The following LIFR variants were observed in gnomAD, a reference collection of about 807,000 sequenced individuals.
LIFR encodes the protein LIF receptor subunit alpha.
A neutral mutation model predicts 122.2 loss-of-function variants in LIFR; 84 were observed. The ratio of observed to expected loss-of-function variants is 0.69; its 90% CI spans 0.58 to 0.82. LIFR has a LOEUF of 0.82. Among genes scored for constraint, LIFR ranks in the 40% least tolerant of loss-of-function variants. The pLI is 0.00. For synonymous variants in LIFR, 422 were observed against 434.7 expected, an observed-to-expected ratio of 0.97 and a Z score of 0.36; for missense variants, 1,294 against 1,311.6, an observed-to-expected ratio of 0.99 and a Z score of 0.21.
chr5:38,569,291 A>T (rs1296941804), intron 1 of LIFR, among the ~76,000 whole-genome samples: 1 of 152,222 alleles, frequency 6.6e-6, no homozygotes, highest in East Asian at 1.9e-4. Flanking sequence ...GACTCAGCAC[A>T]GCATTGAGAC....
chr5:38,582,192 C>G (rs1434889077), intron 1 of LIFR, among the ~76,000 whole-genome samples: 1 of 152,098 alleles, frequency 6.6e-6, no homozygotes, highest in Non-Finnish European at 1.5e-5. Flanking sequence ...TCCCAAGTAG[C>G]ACGTGACACC....
chr5:38,536,245 G>C (rs1000680174), intron 1 of LIFR, among the ~76,000 whole-genome samples: 1 of 151,956 alleles, frequency 6.6e-6, no homozygotes, highest in African/African-American at 2.4e-5. Flanking sequence ...TACTACCATA[G>C]ACCCTTCATA....
In LIFR at chr5:38,527,251, G is replaced by T. The variant is rs774750423; in HGVS notation, c.301C>A (p.Pro101Thr). 2 of 1,600,414 alleles carry T rather than the reference G, an allele frequency of 1.2e-6. No homozygotes were observed. Among genetic ancestry groups the T allele is most frequent in the Non-Finnish European group, 1.7e-6 (2 of 1,168,234 alleles). The change falls in exon 4 of 20, where the codon CCA becomes ACA. Residue 101 changes from proline (P) to threonine (T), a missense_variant. Physicochemically the swap from Pro to Thr is conservative, Grantham distance 38 (BLOSUM62 -1). Coordinates refer to ENST00000453190, the MANE Select transcript of LIFR (RefSeq NM_001127671.2). ...TCATAATCACCATGTGAAAGAGCTGGAATTTTAATACTGGTTTTCTCCAAC... is the reference window on the plus strand; with the variant it reads ...TCATAATCACCATGTGAAAGAGCTGTAATTTTAATACTGGTTTTCTCCAAC... ...YQLEKTSIKI[P>T]ALSHGDYEIT...
At chr5:38,525,031 C>T (rs1350601412) in intron 4 of LIFR, among the ~76,000 whole-genome samples, 2 of 152,122 alleles carry the variant, frequency 1.3e-5, no homozygotes, top group Non-Finnish European at 2.9e-5. Context: ...AGCTGCATTA[C>T]AAAAGGTAAA....
chr5:38,480,127 AACC>A lies in LIFR; in HGVS notation c.*1465_*1467del, dbSNP rs1281602285. The A allele has an allele frequency of 1.6e-3, 376 of 227,994 alleles. 5 individuals are homozygous for A. The highest frequency in any genetic ancestry group is 8.0e-3 in the African/African-American group (358 of 44,892). 14.1% of individuals were successfully genotyped at this position (227,994 alleles called of 1,614,324 possible). ...CTCAGATGATAAAAAACAAACAAAC[AACC>A]AAAAAAAACAAACAAAAAAGACATA... On this transcript the variant is annotated 3_prime_UTR_variant, in exon 20 of 20. Coordinates refer to ENST00000453190, the MANE Select transcript of LIFR (RefSeq NM_001127671.2).
chr5:38,533,178 G>A (rs1016551765), intron 1 of LIFR, among the ~76,000 whole-genome samples: 6 of 152,220 alleles, frequency 3.9e-5, no homozygotes, highest in Non-Finnish European at 7.3e-5. Flanking sequence ...CTAAAGGCCA[G>A]ACAAAATATG....
chr5:38,549,888 G>A (rs938816594), intron 1 of LIFR, among the ~76,000 whole-genome samples: 2 of 152,152 alleles, frequency 1.3e-5, no homozygotes, highest in Admixed American at 1.3e-4. Flanking sequence ...ATCTGGAAGT[G>A]AGTTTTTTCC....
At chr5:38,517,682 C>A (rs377127928) in intron 5 of LIFR, among the ~76,000 whole-genome samples, 3 of 151,302 alleles carry the variant, frequency 2.0e-5, no homozygotes, top group Non-Finnish European at 4.4e-5. Flanking sequence ...ACGGTGAAAC[C>A]CCATCTCCAC....
At position 38,523,564 on chromosome 5, in the gene LIFR, G is replaced by A. The variant is rs772232947; in HGVS notation, c.416C>T (p.Pro139Leu). 9.9e-6 allele frequency: 16 copies of A among 1,612,518 alleles called. No homozygotes were observed. The Admixed American group carries it at 2.5e-4, about 25-fold the overall frequency. Residue 139 changes from proline (P) to leucine (L), a missense_variant, in exon 5 of 20, where the codon CCA (proline) becomes CTA (leucine). Coordinates refer to ENST00000453190, the MANE Select transcript of LIFR (RefSeq NM_001127671.2). ...ATCAGCAGACAAATTCAAGATCTCT[G>A]GAGTATCTGGAATTAAGGCTTTAAA... Reference protein sequence around the residue: ...EQNVSLIPDTPEILNLSADFS... With the variant: ...EQNVSLIPDTLEILNLSADFS...
At chr5:38,530,800 A>G (rs1746965404) in intron 1 of LIFR, 134 bp from the exon 2 acceptor site, 1 of 836,278 alleles carries the variant, frequency 1.2e-6, no homozygotes, top group Non-Finnish European at 2.0e-6. Flanking sequence ...GAGATACTCA[A>G]ACTCAAGCTT....
chr5:38,502,680 C>G lies in LIFR; in HGVS notation c.1557G>C (p.Trp519Cys), dbSNP rs755874317. ...GTTGTTTTTTATTGCTCCATTTGCTCCATTTCCAGAAAGTTTCAGTAGAAC... is the reference window on the plus strand; with the variant it reads ...GTTGTTTTTTATTGCTCCATTTGCTGCATTTCCAGAAAGTTTCAGTAGAAC... ...IRCSTETFWK[W>C]SKWSNKKQHL... Residue 519 changes from tryptophan (W) to cysteine (C), a missense_variant, in exon 11 of 20, where the codon TGG becomes TGC. Transcript: ENST00000453190. 6.2e-7 allele frequency: 1 copy of G among 1,613,654 alleles called. No individual in the cohort carries two copies. Among genetic ancestry groups the G allele is most frequent in the Non-Finnish European group, 8.5e-7 (1 of 1,179,702 alleles).
intron 1 of LIFR, among the ~76,000 whole-genome samples, chr5:38,582,962 G>T (rs947993171): frequency 6.6e-6 from 1 of 152,186 alleles, no homozygotes. Context: ...CGGTCTCTGT[G>T]TAACTTTTTA....
intron 11 of LIFR, 114 bp from the exon 12 acceptor site, chr5:38,499,697 T>C (rs1448696532): frequency 3.9e-6 from 3 of 762,446 alleles, no homozygotes; most frequent in South Asian, 1.5e-5. Context: ...AGCAGTTCAG[T>C]GGCTTCCACT....
At chr5:38,583,027 C>T (rs929800044) in intron 1 of LIFR, among the ~76,000 whole-genome samples, 1 of 152,178 alleles carries the variant, frequency 6.6e-6, no homozygotes, top group Non-Finnish European at 1.5e-5. Flanking sequence ...TCTGTTTCCT[C>T]TTGATGGAAT....
At chr5:38,542,588 C>T (rs746935491) in intron 1 of LIFR, among the ~76,000 whole-genome samples, 4 of 152,146 alleles carry the variant, frequency 2.6e-5, no homozygotes, top group African/African-American at 4.8e-5. Context: ...CCCTGGCCTA[C>T]AGGGAAAGGT....
At chr5:38,590,305 C>G (rs746066303) in intron 1 of LIFR, among the ~76,000 whole-genome samples, 22 of 152,118 alleles carry the variant, frequency 1.4e-4, no homozygotes, top group Non-Finnish European at 2.4e-4. Flanking sequence ...GAAGACCATA[C>G]AAGCATGGGG....
In LIFR at chr5:38,512,320, TA is replaced by T. The variant is rs201478479; in HGVS notation, c.562-357del. On this transcript the variant is annotated intron_variant, in intron 5 of 19. Coordinates refer to ENST00000453190, the MANE Select transcript of LIFR (RefSeq NM_001127671.2). ...ACTTCTCAGATGAGCATCTCTAATC[TA>T]AAAATCTAAAATCTGCCTGGACAGT... 9.9e-5 allele frequency among the ~76,000 whole-genome samples: 15 copies of T among 152,126 alleles called. No individual in the cohort carries two copies. The East Asian group carries it at 2.9e-3, about 29-fold the overall frequency.
chr5:38,520,456 A>C (rs1471544917), intron 5 of LIFR, among the ~76,000 whole-genome samples: 1 of 152,112 alleles, frequency 6.6e-6, no homozygotes, highest in African/African-American at 2.4e-5. Flanking sequence ...GAAGCTTTTT[A>C]GTTTAATATA....
intron 2 of LIFR, among the ~76,000 whole-genome samples, chr5:38,602,812 C>T (rs531605576): frequency 6.6e-6 from 1 of 152,188 alleles, no homozygotes; most frequent in Admixed American, 6.5e-5. Flanking sequence ...ATCACACTGA[C>T]TCTCTCAGGA....
Sources: gnomAD v4.1 joint callset for allele counts (sites outside exome capture counted in the v4.1 genomes callset) on GRCh38, gnomAD v4.1.1 for gene constraint, MANE v1.5 for transcripts, NCBI Gene and HGNC (gene_info 2026-07-23, HGNC 2026-07-21) for gene names.